FAM241A: variants seen among roughly 807,000 people sequenced by gnomAD.
FAM241A encodes family with sequence similarity 241 member A.
A neutral mutation model predicts 12.2 loss-of-function variants in FAM241A; 7 were observed. The observed-to-expected ratio is 0.58, with a 90% confidence interval of 0.33 to 1.08. The LOEUF (loss-of-function observed/expected upper bound fraction) is 1.08. Among genes scored for constraint, FAM241A ranks in the 50% least tolerant of loss-of-function variants. The pLI, the probability that FAM241A is intolerant of heterozygous loss-of-function variation, is 0.04. For synonymous variants in FAM241A, 74 were observed against 68.2 expected (o/e 1.08, Z -0.42); for missense variants, 161 against 169.7 (o/e 0.95, Z 0.29).
rs562392418 is a variant in FAM241A, at chr4:112,194,667, A to G, written c.*7729A>G. On this transcript the variant is annotated 3_prime_UTR_variant, in exon 2 of 2. Transcript: ENST00000309733. Reference sequence around the variant, plus strand: ...GGATTACATTGATTGATTTGCGTATATTGAACCAGCCTTGCATCCCAGGGA... The same window carrying G: ...GGATTACATTGATTGATTTGCGTATGTTGAACCAGCCTTGCATCCCAGGGA... 4 of 152,260 alleles carry G rather than the reference A, an allele frequency of 2.6e-5. No homozygotes were observed. The South Asian group carries it at 6.2e-4, about 24-fold the overall frequency. 9.4% of individuals were successfully genotyped at this position (152,260 alleles called of 1,614,324 possible). A position where few individuals can be genotyped will look rare whatever the true frequency, so the allele number is the denominator to read the frequency against.
chr4:112,152,702 C>T (rs532224782), intron 1 of FAM241A, among the ~76,000 whole-genome samples: 1 of 152,246 alleles, frequency 6.6e-6, no homozygotes, highest in Admixed American at 6.5e-5. Flanking sequence ...TACATCTTCC[C>T]CTACCTCTTC....
chr4:112,181,326 C>CAA lies in FAM241A; in HGVS notation c.154-5357_154-5356dup, dbSNP rs61327022. On this transcript the variant is annotated intron_variant, in intron 1 of 1. Coordinates refer to ENST00000309733, the MANE Select transcript of FAM241A (RefSeq NM_152400.3). Reference sequence around the variant, plus strand: ...AAATAGTGCCCATCTTTGGTTTGGCCAAAAAAAAAAAGGAGCAAAGTAGAA... The same window carrying CAA: ...AAATAGTGCCCATCTTTGGTTTGGCCAAAAAAAAAAAAAGGAGCAAAGTAGAA... Among the ~76,000 whole-genome samples, 15 of 140,918 alleles carry CAA rather than the reference C, an allele frequency of 1.1e-4. No individual in the cohort carries two copies. The East Asian group carries it at 2.2e-3, about 21-fold the overall frequency. The allele number at this position is 140,918 out of a possible 152,430, so 92.4% of individuals were successfully genotyped here.
In FAM241A at chr4:112,187,432, T is replaced by C. The variant is rs1724069537; in HGVS notation, c.*494T>C. On this transcript the variant is annotated 3_prime_UTR_variant, in exon 2 of 2. Transcript: ENST00000309733. ...GAAATATTTGGATTTCAATTGTCCC[T>C]ACCCAGCCTAAACTAAGGTAAATGA... 1 of 153,372 alleles carries C rather than the reference T, an allele frequency of 6.5e-6. No homozygotes were observed. The highest frequency in any genetic ancestry group is 6.5e-5 in the Admixed American group (1 of 15,362). The allele number at this position is 153,372 out of a possible 1,614,324, so 9.5% of individuals were successfully genotyped here.
intron 1 of FAM241A, among the ~76,000 whole-genome samples, chr4:112,148,959 A>G (rs1056157380): frequency 6.6e-6 from 1 of 152,190 alleles, no homozygotes; most frequent in African/African-American, 2.4e-5. Context: ...TTATCCTTAG[A>G]TTGACTTTCG....
intron 1 of FAM241A, among the ~76,000 whole-genome samples, chr4:112,183,702 AT>A (rs954293607): frequency 2.0e-5 from 3 of 151,916 alleles, no homozygotes; most frequent in Non-Finnish European, 4.4e-5. Flanking sequence ...AAAAAAAAAA[AT>A]TTTTTTAAGA....
Position 112,190,388 on chromosome 4 carries a change from T to A in FAM241A, c.*3450T>A, listed in dbSNP as rs957826315. On this transcript the variant is annotated 3_prime_UTR_variant, in exon 2 of 2. Coordinates refer to ENST00000309733, the MANE Select transcript of FAM241A (RefSeq NM_152400.3). Reference sequence around the variant, plus strand: ...TTACAATTGAAGGGAGAAAAAAAAATGTAAGACGGCCAGGCGCGGTGGCTC... The same window carrying A: ...TTACAATTGAAGGGAGAAAAAAAAAAGTAAGACGGCCAGGCGCGGTGGCTC... 6 of 151,932 alleles carry A rather than the reference T, an allele frequency of 3.9e-5. No individual in the cohort carries two copies. Among genetic ancestry groups the A allele is most frequent in the South Asian group, 2.1e-4 (1 of 4,816 alleles). 9.4% of individuals were successfully genotyped at this position (151,932 alleles called of 1,614,324 possible). A position where few individuals can be genotyped will look rare whatever the true frequency, so the allele number is the denominator to read the frequency against.
chr4:112,175,316 A>G (rs1272047412), intron 1 of FAM241A, among the ~76,000 whole-genome samples: 1 of 152,208 alleles, frequency 6.6e-6, no homozygotes, highest in East Asian at 1.9e-4. Flanking sequence ...ATGATGGCCT[A>G]CAACTCACCA....
chr4:112,179,187 A>G (rs370210973), intron 1 of FAM241A, among the ~76,000 whole-genome samples: 26 of 152,306 alleles, frequency 1.7e-4, no homozygotes, highest in African/African-American at 4.8e-4. Flanking sequence ...TGTTTTAGAC[A>G]TGAAGTCCTT....
Position 112,188,669 on chromosome 4 carries a change from A to G in FAM241A, c.*1731A>G, listed in dbSNP as rs911884863. 10 of 152,170 alleles carry G rather than the reference A, an allele frequency of 6.6e-5. No homozygotes were observed. The highest frequency in any genetic ancestry group is 1.7e-4 in the African/African-American group (7 of 41,454). 9.4% of individuals were successfully genotyped at this position (152,170 alleles called of 1,614,324 possible). ...CAATAGATGTCATGAGATTTTGTAT[A>G]TCTACATAAAATATCAGTACATTTT... On this transcript the variant is annotated 3_prime_UTR_variant, in exon 2 of 2. Coordinates refer to ENST00000309733, the MANE Select transcript of FAM241A (RefSeq NM_152400.3).
chr4:112,174,142 A>C (rs888098740), intron 1 of FAM241A, among the ~76,000 whole-genome samples: 3 of 152,168 alleles, frequency 2.0e-5, no homozygotes, highest in Non-Finnish European at 4.4e-5. Context: ...GAGACAACCA[A>C]GTCTCTCTTC....
At chr4:112,155,684 ATAAAG>A (rs1247559448) in intron 1 of FAM241A, among the ~76,000 whole-genome samples, 1 of 152,150 alleles carries the variant, frequency 6.6e-6, no homozygotes, top group Non-Finnish European at 1.5e-5. Flanking sequence ...CAGCCTCACT[ATAAAG>A]AAAAGAAATG....
rs1157300838 is a variant in FAM241A at position 112,187,944 on chromosome 4, A to G, written c.*1006A>G. On this transcript the variant is annotated 3_prime_UTR_variant, in exon 2 of 2. Coordinates refer to ENST00000309733, the MANE Select transcript of FAM241A (RefSeq NM_152400.3). ...GATATCTATATCAGAAAGGTACAAT[A>G]TTAACAGTATAAAACCAAATGCTTA... is the stretch of plus-strand genomic sequence containing the variant. 5 of 152,282 alleles carry G rather than the reference A, an allele frequency of 3.3e-5. No individual in the cohort carries two copies. In the South Asian group the frequency reaches 6.2e-4, roughly 19 times the overall value. 9.4% of individuals were successfully genotyped at this position (152,282 alleles called of 1,614,324 possible). A position where few individuals can be genotyped will look rare whatever the true frequency, so the allele number is the denominator to read the frequency against.
chr4:112,182,564 G>T (rs536081645), intron 1 of FAM241A, among the ~76,000 whole-genome samples: 1 of 151,570 alleles, frequency 6.6e-6, no homozygotes, highest in Admixed American at 6.6e-5. Context: ...CAAACTCATC[G>T]ACTATAACCG....
intron 1 of FAM241A, among the ~76,000 whole-genome samples, chr4:112,164,314 C>A (rs1723548236): frequency 6.6e-6 from 1 of 150,488 alleles, no homozygotes; most frequent in Non-Finnish European, 1.5e-5. Context: ...ATGGATGAAG[C>A]TGGATATCAT....
chr4:112,154,440 G>A (rs999713532), intron 1 of FAM241A, among the ~76,000 whole-genome samples: 1 of 151,876 alleles, frequency 6.6e-6, no homozygotes, highest in Non-Finnish European at 1.5e-5. Context: ...GCTAATTTTT[G>A]TATTTTTAGT....
At position 112,177,731 on chromosome 4, in the gene FAM241A, A is replaced by C. The variant is rs184908122; in HGVS notation, c.154-8962A>C. 7.8e-4 allele frequency among the ~76,000 whole-genome samples: 119 copies of C among 152,230 alleles called. 1 individual carries two copies. Among genetic ancestry groups the C allele is most frequent in the Admixed American group, 6.5e-3 (99 of 15,284 alleles). On this transcript the variant is annotated intron_variant, in intron 1 of 1. Transcript: ENST00000309733. ...CTTGAGAGAGAATCAGACCCCCAAG[A>C]GCTCATCTGTACGTATTAGTGTCTG...
At chr4:112,169,235 A>C (rs554965809) in intron 1 of FAM241A, among the ~76,000 whole-genome samples, 6 of 152,166 alleles carry the variant, frequency 3.9e-5, no homozygotes, top group Non-Finnish European at 8.8e-5. Flanking sequence ...GTCCTCATCT[A>C]GTTAGTGCCT....
intron 1 of FAM241A, among the ~76,000 whole-genome samples, chr4:112,164,301 G>T (rs989664733): frequency 1.4e-4 from 21 of 150,656 alleles, no homozygotes; most frequent in African/African-American, 4.9e-4. Context: ...CCTTTGTGAG[G>T]ACATGGATGA....
At chr4:112,154,841 T>A (rs932913296) in intron 1 of FAM241A, among the ~76,000 whole-genome samples, 6 of 151,934 alleles carry the variant, frequency 3.9e-5, no homozygotes, top group Non-Finnish European at 2.9e-5. Context: ...GAGACCAGCC[T>A]GGCCAACATG....
Sources: allele counts gnomAD v4.1 joint callset (sites outside exome capture counted in the v4.1 genomes callset), GRCh38; gene constraint gnomAD v4.1.1; transcripts MANE v1.5; gene names NCBI Gene and HGNC (gene_info 2026-07-23, HGNC 2026-07-21).